Variants in GGH observed in about 807,000 individuals in gnomAD.
GGH encodes gamma-glutamyl hydrolase.
GGH carries 18 observed loss-of-function variants against 39.2 expected under a neutral mutation model. The observed-to-expected ratio is 0.46, with a 90% CI of 0.32 to 0.68. The LOEUF is 0.68. Ranked by LOEUF, GGH falls within the 30% of genes least tolerant of loss-of-function variation. The probability of loss-of-function intolerance (pLI) is 0.04; values close to 1 mark genes in which losing one functional copy is unlikely to be tolerated. For missense variants in GGH, 367 were observed against 384.1 expected (o/e 0.96, Z 0.37); for synonymous variants, 147 against 138.8 (o/e 1.06, Z -0.42).
chr8:63,024,182 T>C lies in GGH; in HGVS notation c.504A>G (p.Gln168=). The C allele has an allele frequency of 3.2e-6, 5 of 1,576,434 alleles. No individual in the cohort carries two copies. In the South Asian group the frequency reaches 3.4e-5, roughly 11 times the overall value. The change falls in exon 6 of 9, where the codon CAA becomes CAG. Residue 168 remains glutamine, a synonymous_variant. Coordinates refer to ENST00000260118, the MANE Select transcript of GGH (RefSeq NM_003878.3). ...AATTCTGGAACATTCTGCTGTGCAA[T>C]TGACCTGAAATAATTTAAGTACAAG... ...VAMPLNFTGG[Q]LHSRMFQNFP...
chr8:63,026,920 T>C, intron 4 of GGH: 1 of 444,958 alleles, frequency 2.2e-6, no homozygotes, highest in Non-Finnish European at 3.9e-6. Flanking sequence ...ATGTCTACAC[T>C]ACATGAGGAC....
chr8:63,035,031 C>G (rs1056635407), intron 2 of GGH, among the ~76,000 whole-genome samples: 1 of 152,024 alleles, frequency 6.6e-6, no homozygotes, highest in Admixed American at 6.6e-5. Flanking sequence ...CTCACCCCGC[C>G]CCCCCAACCA....
intron 2 of GGH, among the ~76,000 whole-genome samples, chr8:63,031,065 T>TGGTA (rs1804794045): frequency 6.6e-6 from 1 of 152,218 alleles, no homozygotes; most frequent in Admixed American, 6.5e-5. Context: ...ACAGAATAAA[T>TGGTA]GGTACCTGTC....
At chr8:63,033,964 C>T (rs1036630396) in intron 2 of GGH, among the ~76,000 whole-genome samples, 4 of 145,532 alleles carry the variant, frequency 2.7e-5, no homozygotes, top group African/African-American at 7.6e-5. Context: ...TTTATGGCTG[C>T]TCTGCCTTTT....
At chr8:63,021,912 A>G (rs1020804122) in intron 7 of GGH, among the ~76,000 whole-genome samples, 2 of 151,900 alleles carry the variant, frequency 1.3e-5, no homozygotes, top group Non-Finnish European at 2.9e-5. Context: ...GACCTCAAGA[A>G]ATCTGCCTGC....
At chr8:63,033,068 G>T (rs1005947123) in intron 2 of GGH, among the ~76,000 whole-genome samples, 2 of 152,052 alleles carry the variant, frequency 1.3e-5, no homozygotes, top group African/African-American at 4.8e-5. Context: ...TAGGCATTTT[G>T]TTTTATTTTT....
chr8:63,031,468 G>A (rs1804800697), intron 2 of GGH, among the ~76,000 whole-genome samples: 1 of 152,094 alleles, frequency 6.6e-6, no homozygotes, highest in African/African-American at 2.4e-5. Flanking sequence ...CCAGATTGTG[G>A]CAACAAAAAG....
chr8:63,022,714 G>T (rs1804614587), intron 7 of GGH, among the ~76,000 whole-genome samples: 1 of 150,732 alleles, frequency 6.6e-6, no homozygotes, highest in South Asian at 2.1e-4. Flanking sequence ...TTTCAGTAGA[G>T]ATGGGGTTTC....
Position 63,038,640 on chromosome 8 carries a change from G to T in GGH, c.109+20C>A, listed in dbSNP as rs1804958022. Reference sequence around the variant, plus strand: ...ACCCAGCTCCTCCCCGTCTGCTGCGGCCCCGCACAGCCTCCTTACCGATGA... The same window carrying T: ...ACCCAGCTCCTCCCCGTCTGCTGCGTCCCCGCACAGCCTCCTTACCGATGA... On this transcript the variant is annotated intron_variant, in intron 1 of 8. Transcript: ENST00000260118. The T allele has an allele frequency of 1.5e-6, 2 of 1,356,448 alleles. No homozygotes were observed. The highest frequency in any genetic ancestry group is 2.0e-6 in the Non-Finnish European group (2 of 995,034). The allele number at this position is 1,356,448 out of a possible 1,614,324, so 84.0% of individuals were successfully genotyped here.
Position 63,024,125 on chromosome 8 carries a change from T to C in GGH, c.561A>G (p.Val187=). The change falls in exon 6 of 9, where the codon GTA becomes GTG. Residue 187 remains valine (V), a synonymous_variant. Transcript: ENST00000260118. ...FPTELLLSLA[V]EPLTANFHKW... ...TATGGAAATTGGCAGTCAGAGGTTC[T>C]ACTGCTAATGACAGCAACAACTCAG... 1 of 1,610,842 alleles carries C rather than the reference T, an allele frequency of 6.2e-7. No individual in the cohort carries two copies. Among genetic ancestry groups the C allele is most frequent in the Non-Finnish European group, 8.5e-7 (1 of 1,177,140 alleles).
intron 7 of GGH, among the ~76,000 whole-genome samples, chr8:63,021,668 CCTT>C (rs1804587579): frequency 1.7e-5 from 2 of 115,556 alleles, no homozygotes; most frequent in Non-Finnish European, 3.5e-5. Context: ...AATCTCATAT[CCTT>C]TTTTTTTTTT....
intron 3 of GGH, among the ~76,000 whole-genome samples, chr8:63,029,266 G>A (rs1804757484): frequency 6.6e-6 from 1 of 151,962 alleles, no homozygotes. Context: ...AAGCAAACGG[G>A]GTGTATGCTA....
intron 8 of GGH, among the ~76,000 whole-genome samples, chr8:63,016,165 G>A (rs992186053): frequency 2.0e-5 from 3 of 152,058 alleles, no homozygotes; most frequent in Admixed American, 6.6e-5. Context: ...AGGCTCTTAC[G>A]GCATTTTCAG....
chr8:63,030,439 T>C (rs879627115), intron 2 of GGH, among the ~76,000 whole-genome samples: 1 of 152,202 alleles, frequency 6.6e-6, no homozygotes. Context: ...TTTTCTGTGA[T>C]CTAATGCAAT....
intron 1 of GGH, 82 bp from the exon 2 acceptor site, chr8:63,035,852 C>A: frequency 8.4e-7 from 1 of 1,194,940 alleles, no homozygotes; most frequent in Non-Finnish European, 1.2e-6. Flanking sequence ...GCAAAAATAT[C>A]ATATTTTATT....
chr8:63,033,800 A>C (rs1473371934), intron 2 of GGH, among the ~76,000 whole-genome samples: 1 of 151,786 alleles, frequency 6.6e-6, no homozygotes, highest in Non-Finnish European at 1.5e-5. Flanking sequence ...AGCCGCCAGC[A>C]TCTATTGCTG....
Position 63,020,749 on chromosome 8 carries a change from A to G in GGH, c.698-3119T>C, listed in dbSNP as rs1040444765. 7.2e-5 allele frequency among the ~76,000 whole-genome samples: 11 copies of G among 152,290 alleles called. No individual in the cohort carries two copies. The South Asian group carries it at 2.1e-3, about 29-fold the overall frequency. On this transcript the variant is annotated intron_variant, in intron 7 of 8. Coordinates refer to ENST00000260118, the MANE Select transcript of GGH (RefSeq NM_003878.3). ...ACAGGTCGTGCAGGGTACAAGCTAG[A>G]GGTGAAGGCAGGGAGAGGGCATGAG...
intron 1 of GGH, 128 bp downstream of exon 1, chr8:63,038,532 A>T: frequency 2.1e-6 from 1 of 485,862 alleles, no homozygotes; most frequent in Non-Finnish European, 3.6e-6. Context: ...TCCTCCTTGC[A>T]CCAAAAGCGA....
chr8:63,017,575 C>T lies in GGH; in HGVS notation c.753G>A (p.Glu251=), dbSNP rs1229535559. The part of the protein sequence containing the change: ...VQWHPEKAPY[E]WKNLDGISHA... ...GGGAAATGCCATCCAAATTCTTCCACTCATAAGGTGCTTTCTCTGGATGCC... is the reference window on the plus strand; with the variant it reads ...GGGAAATGCCATCCAAATTCTTCCATTCATAAGGTGCTTTCTCTGGATGCC... The change falls in exon 8 of 9, where the codon GAG becomes GAA. Residue 251 remains glutamate (E), a synonymous_variant. Transcript: ENST00000260118. 3 of 1,607,330 alleles carry T rather than the reference C, an allele frequency of 1.9e-6. No individual in the cohort carries two copies. The highest frequency in any genetic ancestry group is 2.7e-5 in the African/African-American group (2 of 74,794).
Sources: gnomAD v4.1 joint callset for allele counts (sites outside exome capture counted in the v4.1 genomes callset) on GRCh38, gnomAD v4.1.1 for gene constraint, MANE v1.5 for transcripts, NCBI Gene and HGNC (gene_info 2026-07-23, HGNC 2026-07-21) for gene names.